ADAMTS9: variants seen among roughly 807,000 people sequenced by gnomAD.
ADAMTS9 encodes A disintegrin and metalloproteinase with thrombospondin motifs 9.
A neutral mutation model predicts 257.1 loss-of-function variants in ADAMTS9; 107 were observed. The ratio of observed to expected loss-of-function variants is 0.42; its 90% confidence interval spans 0.36 to 0.49. The LOEUF is 0.49. ADAMTS9 is among the 20% of genes least tolerant of loss of function. The probability of loss-of-function intolerance (pLI) is 0.03; values close to 1 mark genes in which losing one functional copy is unlikely to be tolerated. For synonymous variants in ADAMTS9, 982 were observed against 880.9 expected, an observed-to-expected ratio of 1.11 and a Z score of -2.03; for missense variants, 2,353 against 2,469.1, an observed-to-expected ratio of 0.95 and a Z score of 1.00.
rs772096259 is a variant in ADAMTS9 at position 64,541,153 on chromosome 3, G to A, written c.5463C>T (p.Ala1821=). ...DDCQCRKDYT[A]AGFSSFQKIR... is the part of the protein sequence containing the mutation. ...TTTTCTGAAAACTGGAAAACCCAGC[G>A]GCCGTGTAATCCTTCCGACATTGGC... Residue 1821 remains alanine (A), a synonymous_variant, in exon 36 of 40, where the codon GCC becomes GCT. Coordinates refer to ENST00000498707, the MANE Select transcript of ADAMTS9 (RefSeq NM_182920.2). The A allele has an allele frequency of 2.2e-5, 35 of 1,614,048 alleles. No homozygotes were observed. Among genetic ancestry groups the A allele is most frequent in the East Asian group, 8.9e-5 (4 of 44,888 alleles).
intron 39 of ADAMTS9, 84 bp downstream of exon 39, chr3:64,522,082 C>T: frequency 8.5e-7 from 1 of 1,182,706 alleles, no homozygotes; most frequent in Non-Finnish European, 1.2e-6. Context: ...TGTAACCCTG[C>T]CTGATCCTCC....
chr3:64,563,838 A>T (rs1306977985), intron 29 of ADAMTS9, among the ~76,000 whole-genome samples: 2 of 152,326 alleles, frequency 1.3e-5, no homozygotes, highest in East Asian at 1.9e-4. Context: ...CATTCACAGT[A>T]ATCTTTGCTC....
At chr3:64,541,733 T>C in intron 33 of ADAMTS9, 105 bp downstream of exon 33, 1 of 1,568,766 alleles carries the variant, frequency 6.4e-7, no homozygotes, top group South Asian at 1.1e-5. Context: ...GCGAATGATT[T>C]CCTTCAGAAA....
At chr3:64,610,375 G>A (rs1291261321) in intron 22 of ADAMTS9, among the ~76,000 whole-genome samples, 6 of 152,114 alleles carry the variant, frequency 3.9e-5, no homozygotes, top group Non-Finnish European at 7.3e-5. Flanking sequence ...TTGACATCTA[G>A]AACCTACAAC....
At chr3:64,604,844 C>T (rs558453987) in intron 23 of ADAMTS9, among the ~76,000 whole-genome samples, 4 of 152,318 alleles carry the variant, frequency 2.6e-5, no homozygotes, top group Admixed American at 2.0e-4. Context: ...AATGCCTGGA[C>T]TTCATATAAC....
intron 19 of ADAMTS9, among the ~76,000 whole-genome samples, chr3:64,620,612 G>T (rs1009487632): frequency 6.6e-6 from 1 of 152,056 alleles, no homozygotes; most frequent in Admixed American, 6.6e-5. Flanking sequence ...ACACAGAATT[G>T]TTTGAATATC....
In ADAMTS9 at chr3:64,561,670, C is replaced by T. The variant is rs762257619; in HGVS notation, c.4606G>A (p.Glu1536Lys). The T allele has an allele frequency of 2.5e-6, 4 of 1,614,056 alleles. No individual in the cohort carries two copies. The highest frequency in any genetic ancestry group is 2.5e-6 in the Non-Finnish European group (3 of 1,180,000). Reference protein sequence around the residue: ...IGTHKIARETECNPYTRPESE... With the variant: ...IGTHKIARETKCNPYTRPESE... Reference sequence around the variant, plus strand: ...TCCGGTCTGGTGTATGGGTTGCACTCGGTCTCTCTGGCTATTTTGTGTGTT... The same window carrying T: ...TCCGGTCTGGTGTATGGGTTGCACTTGGTCTCTCTGGCTATTTTGTGTGTT... The change falls in exon 30 of 40, where the codon GAG (glutamate) becomes AAG (lysine). Residue 1536 changes from glutamate (E) to lysine (K), a missense_variant. Glu to Lys is a moderately conservative substitution (Grantham distance 56). This residue lies in a region of ADAMTS9 where 1,402 missense variants were observed against 1,441.4 expected (regional missense o/e 0.97). Transcript: ENST00000498707.
rs763211439 is a variant in ADAMTS9 at position 64,602,041 on chromosome 3, T to A, written c.3920A>T (p.His1307Leu). Residue 1307 changes from histidine (H) to leucine (L), a missense_variant, in exon 26 of 40, where the codon CAC (histidine) becomes CTC (leucine). By Grantham distance (99) the His-to-Leu change is moderately conservative. Coordinates refer to ENST00000498707, the MANE Select transcript of ADAMTS9 (RefSeq NM_182920.2). ...ACGATAGTCCTCATTTTGGAAGGGG[T>A]GCTGAGCTAAGCCACTGTCTGGGGT... is the stretch of plus-strand genomic sequence containing the variant. ...QRTPDSGLAQ[H>L]PFQNEDYRPR... 2 of 1,613,572 alleles carry A rather than the reference T, an allele frequency of 1.2e-6. No homozygotes were observed. Among genetic ancestry groups the A allele is most frequent in the African/African-American group, 2.7e-5 (2 of 74,752 alleles).
At chr3:64,554,408 G>T (rs1244630414) in intron 30 of ADAMTS9, among the ~76,000 whole-genome samples, 1 of 152,136 alleles carries the variant, frequency 6.6e-6, no homozygotes, top group Admixed American at 6.5e-5. Context: ...TTTTCTCCTG[G>T]AATCTTAAAT....
At chr3:64,607,212 G>A (rs1032455509) in intron 22 of ADAMTS9, 133 bp from the exon 23 acceptor site, 11 of 1,124,724 alleles carry the variant, frequency 9.8e-6, no homozygotes, top group Middle Eastern at 2.9e-4. Context: ...AATAAACTAG[G>A]TCGAAGTGGG....
intron 32 of ADAMTS9, among the ~76,000 whole-genome samples, chr3:64,542,547 AC>A (rs2083139857): frequency 6.7e-6 from 1 of 150,332 alleles, no homozygotes; most frequent in Non-Finnish European, 1.5e-5. Flanking sequence ...CCTGCCTCAG[AC>A]TCCCGAGTAT....
At chr3:64,628,601 A>T (rs1375693708) in intron 16 of ADAMTS9, among the ~76,000 whole-genome samples, 2 of 152,176 alleles carry the variant, frequency 1.3e-5, no homozygotes, top group Admixed American at 6.5e-5. Flanking sequence ...TAATTTGTAA[A>T]CAGTCCTCCA....
At chr3:64,524,935 C>T (rs1187487845) in intron 38 of ADAMTS9, among the ~76,000 whole-genome samples, 1 of 152,198 alleles carries the variant, frequency 6.6e-6, no homozygotes, top group Non-Finnish European at 1.5e-5. Flanking sequence ...CTCTCCCTCT[C>T]TGTGCATACT....
Position 64,516,355 on chromosome 3 carries a change from C to T in ADAMTS9, c.*772G>A, listed in dbSNP as rs766667661. 1 of 152,564 alleles carries T rather than the reference C, an allele frequency of 6.6e-6. No homozygotes were observed. Among genetic ancestry groups the T allele is most frequent in the African/African-American group, 2.4e-5 (1 of 41,418 alleles). 9.5% of individuals were successfully genotyped at this position (152,564 alleles called of 1,614,324 possible). A position where few individuals can be genotyped will look rare whatever the true frequency, so the allele number is the denominator to read the frequency against. On this transcript the variant is annotated 3_prime_UTR_variant, in exon 40 of 40. Transcript: ENST00000498707. ...GGGCTGAAGCAACGAATATTAACAA[C>T]ACTAACAACAATAAGGATAAAGTCT...
intron 22 of ADAMTS9, 129 bp downstream of exon 22, chr3:64,613,216 G>T: frequency 1.9e-6 from 2 of 1,067,408 alleles, no homozygotes; most frequent in Non-Finnish European, 2.7e-6. Flanking sequence ...TTGATCCAGT[G>T]CCATGGAGGT....
chr3:64,640,359 G>A (rs1384619705), intron 12 of ADAMTS9, among the ~76,000 whole-genome samples: 5 of 152,102 alleles, frequency 3.3e-5, no homozygotes, highest in Admixed American at 6.5e-5. Context: ...GAAAAGATTC[G>A]GAAGCTTTGC....
intron 28 of ADAMTS9, among the ~76,000 whole-genome samples, chr3:64,571,218 T>A (rs1695103726): frequency 6.6e-6 from 1 of 152,232 alleles, no homozygotes; most frequent in Non-Finnish European, 1.5e-5. Flanking sequence ...AGCCAGGCAC[T>A]GCCCTAAGAC....
chr3:64,668,009 T>C (rs1576178384), intron 3 of ADAMTS9, among the ~76,000 whole-genome samples: 1 of 152,204 alleles, frequency 6.6e-6, no homozygotes, highest in East Asian at 1.9e-4. Flanking sequence ...CAAAGTACCC[T>C]TTAGGAAATG....
chr3:64,533,542 G>A (rs1018013510), intron 37 of ADAMTS9, among the ~76,000 whole-genome samples: 4 of 152,226 alleles, frequency 2.6e-5, no homozygotes, highest in African/African-American at 9.6e-5. Context: ...AACTTCTCCA[G>A]GATACGGTAG....
Sources: allele counts gnomAD v4.1 joint callset (sites outside exome capture counted in the v4.1 genomes callset), GRCh38; gene constraint gnomAD v4.1.1; regional missense constraint gnomAD v4.1.1; transcripts MANE v1.5; gene names NCBI Gene and HGNC (gene_info 2026-07-23, HGNC 2026-07-21).